Variants in TAFA1 observed in about 807,000 individuals in gnomAD.
TAFA1 encodes chemokine-like protein TAFA-1.
Under a neutral mutation model 18.5 loss-of-function variants are expected in TAFA1, and 4 were observed. The observed-to-expected ratio is 0.22, with a 90% CI of 0.11 to 0.49. The LOEUF (loss-of-function observed/expected upper bound fraction) is 0.49. Among genes scored for constraint, TAFA1 ranks in the 20% least tolerant of loss-of-function variants. The pLI, the probability that TAFA1 is intolerant of heterozygous loss-of-function variation, is 0.98. For synonymous variants in TAFA1, 56 were observed against 55.2 expected (o/e 1.01, Z -0.06); for missense variants, 147 against 169.0 (o/e 0.87, Z 0.72).
chr3:68,191,727 A>T (rs778656459), intron 2 of TAFA1, among the ~76,000 whole-genome samples: 1 of 151,848 alleles, frequency 6.6e-6, no homozygotes, highest in African/African-American at 2.4e-5. Flanking sequence ...TTAAGGTTAC[A>T]ACATATTAGG....
At chr3:68,443,859 A>G (rs772073170) in intron 3 of TAFA1, among the ~76,000 whole-genome samples, 1 of 152,152 alleles carries the variant, frequency 6.6e-6, no homozygotes, top group East Asian at 1.9e-4. Context: ...TGAGTCATCT[A>G]TCCCTCACCG....
At chr3:68,110,288 C>T (rs773756538) in intron 2 of TAFA1, among the ~76,000 whole-genome samples, 3 of 152,138 alleles carry the variant, frequency 2.0e-5, no homozygotes, top group Non-Finnish European at 2.9e-5. Context: ...CCTTCCATGT[C>T]TCTGCAAAGA....
intron 2 of TAFA1, among the ~76,000 whole-genome samples, chr3:68,294,629 A>G (rs2068174698): frequency 6.6e-6 from 1 of 152,158 alleles, no homozygotes; most frequent in East Asian, 1.9e-4. Flanking sequence ...TCACATCTAT[A>G]ATCTCAGCAC....
At chr3:68,495,377 A>G (rs1449890198) in intron 3 of TAFA1, among the ~76,000 whole-genome samples, 1 of 152,248 alleles carries the variant, frequency 6.6e-6, no homozygotes, top group African/African-American at 2.4e-5. Flanking sequence ...TGGCAAAATC[A>G]TTTAAAAACA....
intron 3 of TAFA1, among the ~76,000 whole-genome samples, chr3:68,449,665 A>G (rs1048226710): frequency 3.3e-5 from 5 of 152,266 alleles, no homozygotes; most frequent in African/African-American, 1.2e-4. Context: ...ATGATGTCCC[A>G]TTTGGAGCAG....
At chr3:68,242,546 T>C (rs1485259044) in intron 2 of TAFA1, among the ~76,000 whole-genome samples, 1 of 152,170 alleles carries the variant, frequency 6.6e-6, no homozygotes, top group African/African-American at 2.4e-5. Context: ...AGCAATTAGA[T>C]GTTATTTAAT....
At chr3:68,254,603 A>T (rs1478610859) in intron 2 of TAFA1, among the ~76,000 whole-genome samples, 1 of 152,130 alleles carries the variant, frequency 6.6e-6, no homozygotes, top group African/African-American at 2.4e-5. Context: ...AACCAAAGAC[A>T]TGCTGTGATG....
chr3:68,010,480 C>T (rs141894635), intron 2 of TAFA1, among the ~76,000 whole-genome samples: 146,738 of 152,282 alleles, frequency 0.96, 70,721 homozygotes, highest in South Asian at 0.98. Context: ...ATCGAGACCA[C>T]GTTTTTGTGA....
At chr3:68,403,428 CA>C (rs2070535543) in intron 2 of TAFA1, among the ~76,000 whole-genome samples, 2 of 152,194 alleles carry the variant, frequency 1.3e-5, no homozygotes, top group Non-Finnish European at 1.5e-5. Context: ...AGGAGTTACT[CA>C]GGGACTAGAT....
chr3:68,135,908 T>C (rs892693485), intron 2 of TAFA1, among the ~76,000 whole-genome samples: 1 of 152,208 alleles, frequency 6.6e-6, no homozygotes, highest in Admixed American at 6.5e-5. Context: ...GTATTTCTTT[T>C]CATTAAAACC....
intron 4 of TAFA1, among the ~76,000 whole-genome samples, chr3:68,540,694 A>G (rs2106793726): frequency 6.6e-6 from 1 of 152,314 alleles, no homozygotes; most frequent in East Asian, 1.9e-4. Flanking sequence ...GAAACACAGT[A>G]AAGAAAAATA....
chr3:68,383,011 G>C (rs752822939), intron 2 of TAFA1, among the ~76,000 whole-genome samples: 1 of 152,040 alleles, frequency 6.6e-6, no homozygotes, highest in Non-Finnish European at 1.5e-5. Context: ...CTTGACTATT[G>C]TTGATGTATA....
intron 2 of TAFA1, among the ~76,000 whole-genome samples, chr3:68,256,449 TG>T (rs1282532782): frequency 6.6e-6 from 1 of 152,068 alleles, no homozygotes; most frequent in Non-Finnish European, 1.5e-5. Flanking sequence ...ATCTGTAAAG[TG>T]GGGATAATAA....
chr3:68,070,482 G>C (rs1450014200), intron 2 of TAFA1, among the ~76,000 whole-genome samples: 1 of 152,198 alleles, frequency 6.6e-6, no homozygotes, highest in Non-Finnish European at 1.5e-5. Flanking sequence ...GTGATGGGAC[G>C]GGCTGCCATG....
At chr3:68,310,801 T>C (rs909682962) in intron 2 of TAFA1, among the ~76,000 whole-genome samples, 2 of 152,188 alleles carry the variant, frequency 1.3e-5, no homozygotes, top group African/African-American at 2.4e-5. Flanking sequence ...GATAGTGAAA[T>C]TTATTTAGTT....
chr3:68,302,499 C>T (rs1304315036), intron 2 of TAFA1, among the ~76,000 whole-genome samples: 1 of 152,124 alleles, frequency 6.6e-6, no homozygotes, highest in Non-Finnish European at 1.5e-5. Flanking sequence ...ACAATGAACT[C>T]CCCCAGCTAT....
intron 2 of TAFA1, among the ~76,000 whole-genome samples, chr3:68,373,234 T>A (rs1370774180): frequency 1.3e-5 from 2 of 152,196 alleles, no homozygotes; most frequent in South Asian, 2.1e-4. Flanking sequence ...ACCTACTATA[T>A]AAGGAACACC....
chr3:68,222,711 G>T (rs2066746380), intron 2 of TAFA1, among the ~76,000 whole-genome samples: 1 of 151,836 alleles, frequency 6.6e-6, no homozygotes, highest in Admixed American at 6.6e-5. Context: ...TTTATTTTGA[G>T]ATGGAGTCTC....
chr3:68,454,027 T>C (rs1279489444), intron 3 of TAFA1, among the ~76,000 whole-genome samples: 1 of 152,212 alleles, frequency 6.6e-6, no homozygotes, highest in East Asian at 1.9e-4. Flanking sequence ...GGTTAACAGA[T>C]GTTCTGTACC....
Sources: gnomAD v4.1 joint callset for allele counts (sites outside exome capture counted in the v4.1 genomes callset) on GRCh38, gnomAD v4.1.1 for gene constraint, MANE v1.5 for transcripts, NCBI Gene and HGNC (gene_info 2026-07-23, HGNC 2026-07-21) for gene names.